Variants in SOD2 observed in about 807,000 individuals in gnomAD.
SOD2 encodes superoxide dismutase 2.
Under a neutral mutation model 27.0 loss-of-function variants are expected in SOD2, and 11 were observed. The ratio of observed to expected loss-of-function variants is 0.41; its 90% confidence interval spans 0.26 to 0.67. The LOEUF is 0.67. SOD2 is among the 30% of genes least tolerant of loss of function. The pLI is 0.34. For missense variants in SOD2, 250 were observed against 274.5 expected (o/e 0.91, Z 0.63); for synonymous variants, 105 against 103.0 (o/e 1.02, Z -0.12).
chr6:159,747,571 G>A (rs111435840), upstream of SOD2, among the ~76,000 whole-genome samples: 9 of 152,246 alleles, frequency 5.9e-5, no homozygotes, highest in African/African-American at 1.2e-4. Flanking sequence ...TATAAGTACT[G>A]TATATTTTTT....
chr6:159,760,577 G>C (rs1210352101), intron 1 of SOD2: 2 of 152,258 alleles, frequency 1.3e-5, no homozygotes, highest in Admixed American at 6.5e-5. Flanking sequence ...GACCTGATGT[G>C]CTTGTAAGAA....
chr6:159,716,441 C>T (rs192934683), intron 1 of SOD2, among the ~76,000 whole-genome samples: 1 of 152,228 alleles, frequency 6.6e-6, no homozygotes, highest in East Asian at 1.9e-4. Flanking sequence ...TAGTAAGAGA[C>T]AACAAGGAAG....
At chr6:159,699,020 T>C (rs1385314770) in intron 1 of SOD2, among the ~76,000 whole-genome samples, 3 of 151,808 alleles carry the variant, frequency 2.0e-5, no homozygotes, top group Non-Finnish European at 4.4e-5. Flanking sequence ...AAGGGTCAAG[T>C]GTATTGCTGT....
intron 1 of SOD2, among the ~76,000 whole-genome samples, chr6:159,752,456 A>G (rs1779856124): frequency 6.6e-6 from 1 of 152,176 alleles, no homozygotes; most frequent in South Asian, 2.1e-4. Context: ...GAAACATTTG[A>G]GCTTTTCATT....
At chr6:159,736,114 T>G in intron 1 of SOD2, 2 of 870,794 alleles carry the variant, frequency 2.3e-6, no homozygotes, top group Non-Finnish European at 1.7e-6. Flanking sequence ...TCTAAAACTA[T>G]TTTAAAATTG....
intron 1 of SOD2, among the ~76,000 whole-genome samples, chr6:159,734,629 G>C (rs1046593673): frequency 6.6e-6 from 1 of 152,006 alleles, no homozygotes; most frequent in South Asian, 2.1e-4. Flanking sequence ...TGGGCACTAT[G>C]GTGGGTCCCC....
At chr6:159,702,699 A>G (rs1394655032) in intron 1 of SOD2, among the ~76,000 whole-genome samples, 1 of 150,610 alleles carries the variant, frequency 6.6e-6, no homozygotes, top group East Asian at 1.9e-4. Context: ...AAAGAAAGAA[A>G]AAAAAGCCAG....
At chr6:159,721,006 C>A (rs142853296) in intron 1 of SOD2, among the ~76,000 whole-genome samples, 2,765 of 149,118 alleles carry the variant, frequency 0.019, 98 homozygotes, top group African/African-American at 0.064. Flanking sequence ...CAGGCACATG[C>A]CACTGCACCC....
chr6:159,726,930 A>G, intron 1 of SOD2: 1 of 1,288,690 alleles, frequency 7.8e-7, no homozygotes, highest in Non-Finnish European at 1.0e-6. Flanking sequence ...TGGTCCTCCG[A>G]CACGCGGAAG....
upstream of SOD2, among the ~76,000 whole-genome samples, chr6:159,729,611 A>G (rs1778443482): frequency 6.6e-6 from 1 of 152,220 alleles, no homozygotes; most frequent in Non-Finnish European, 1.5e-5. Flanking sequence ...GAAAGCATTA[A>G]TATTTGCAGC....
chr6:159,747,198 A>G (rs1779626135), upstream of SOD2, among the ~76,000 whole-genome samples: 1 of 152,228 alleles, frequency 6.6e-6, no homozygotes, highest in South Asian at 2.1e-4. Context: ...GATGAATTTA[A>G]TGCTAATAAC....
rs751801387 is a variant in SOD2 at position 159,753,626 on chromosome 6, G to A, written c.-335-4950C>T. ...AAGCAGTCAGGATGGTAAGGGGTTT[G>A]TTTCTTTTTGGAACGTTGTCTCAAC... On this transcript the variant is annotated intron_variant, in intron 1 of 7. Transcript: ENST00000546087. The A allele has an allele frequency of 4.4e-6, 7 of 1,590,056 alleles. No homozygotes were observed. In the East Asian group the frequency reaches 1.3e-4, roughly 31 times the overall value.
rs371970698 is a variant in SOD2, at chr6:159,760,430, C to G, written c.-336+607G>C. The G allele has an allele frequency of 3.3e-5, 5 of 152,182 alleles. No individual in the cohort carries two copies. In the East Asian group the frequency reaches 7.7e-4, roughly 23 times the overall value. 9.4% of individuals were successfully genotyped at this position (152,182 alleles called of 1,614,324 possible). A position where few individuals can be genotyped will look rare whatever the true frequency, so the allele number is the denominator to read the frequency against. ...GATTACAGGCGCACGGCACCACGCC[C>G]GGCTAATTTTTCTATTTTATGGTAG... On this transcript the variant is annotated intron_variant, in intron 1 of 7. Coordinates refer to the SOD2 transcript ENST00000546087.
chr6:159,704,534 C>T (rs1018911105), intron 1 of SOD2, among the ~76,000 whole-genome samples: 1 of 152,234 alleles, frequency 6.6e-6, no homozygotes, highest in Non-Finnish European at 1.5e-5. Flanking sequence ...ACTGCTAGCA[C>T]AGCAGCCTGA....
At chr6:159,688,304 A>G (rs1780288616) in intron 2 of SOD2, 62 bp from the exon 3 acceptor site, 1 of 960,470 alleles carries the variant, frequency 1.0e-6, no homozygotes, top group South Asian at 1.3e-5. Context: ...CACTGTATAC[A>G]TTATATTTTT....
intron 1 of SOD2, among the ~76,000 whole-genome samples, chr6:159,743,128 A>G (rs1779362044): frequency 6.6e-6 from 1 of 152,214 alleles, no homozygotes; most frequent in Non-Finnish European, 1.5e-5. Context: ...GCTTAGTGCA[A>G]CCTCTGCCTC....
At chr6:159,728,794 G>A (rs1234496913), upstream of SOD2, among the ~76,000 whole-genome samples, 10 of 152,166 alleles carry the variant, frequency 6.6e-5, no homozygotes, top group Admixed American at 6.5e-4. Flanking sequence ...TAAGGGTTTG[G>A]GTAGGTGTGT....
chr6:159,742,482 GT>G (rs1454511242), intron 1 of SOD2, among the ~76,000 whole-genome samples: 1 of 152,092 alleles, frequency 6.6e-6, no homozygotes, highest in Non-Finnish European at 1.5e-5. Flanking sequence ...TGAAGCATGA[GT>G]TACTAGTCTA....
chr6:159,710,458 G>C (rs1777712715), intron 1 of SOD2, among the ~76,000 whole-genome samples: 1 of 151,748 alleles, frequency 6.6e-6, no homozygotes, highest in African/African-American at 2.4e-5. Flanking sequence ...AAAAAAAGAG[G>C]AAAAAGAAAG....
Sources: gnomAD v4.1 joint callset for allele counts (sites outside exome capture counted in the v4.1 genomes callset) on GRCh38, gnomAD v4.1.1 for gene constraint, MANE v1.5 for transcripts, NCBI Gene and HGNC (gene_info 2026-07-23, HGNC 2026-07-21) for gene names.